Variants in KLF12 observed in about 807,000 individuals in gnomAD.
KLF12 encodes Krueppel-like factor 12.
Under a neutral mutation model 37.8 loss-of-function variants are expected in KLF12, and 9 were observed. That is an observed-to-expected ratio of 0.24 (90% CI 0.14 to 0.42). The LOEUF (loss-of-function observed/expected upper bound fraction) is 0.42, where lower values mean the gene tolerates loss of function less well. Ranked by LOEUF, KLF12 falls within the 10% of genes least tolerant of loss-of-function variation. The probability of loss-of-function intolerance (pLI) is 1.00; values close to 1 mark genes in which losing one functional copy is unlikely to be tolerated. For missense variants in KLF12, 411 were observed against 516.0 expected, an observed-to-expected ratio of 0.80 and a Z score of 1.97; for synonymous variants, 208 against 202.1, an observed-to-expected ratio of 1.03 and a Z score of -0.25.
chr13:73,938,323 C>T (rs1430581228), intron 3 of KLF12, among the ~76,000 whole-genome samples: 1 of 152,096 alleles, frequency 6.6e-6, no homozygotes, highest in Non-Finnish European at 1.5e-5. Context: ...CCCCCTAATG[C>T]TACTGAATTT....
intron 1 of KLF12, among the ~76,000 whole-genome samples, chr13:74,103,242 T>C (rs543229759): frequency 2.0e-5 from 3 of 152,252 alleles, no homozygotes; most frequent in African/African-American, 7.2e-5. Context: ...TGTAGGACAC[T>C]TTACAATTTC....
chr13:74,127,987 T>C (rs1466411767), intron 1 of KLF12, among the ~76,000 whole-genome samples: 1 of 152,234 alleles, frequency 6.6e-6, no homozygotes, highest in Non-Finnish European at 1.5e-5. Context: ...GACCAGTTGA[T>C]AGAAGCTTCA....
At chr13:74,086,950 G>A (rs79748342) in intron 1 of KLF12, among the ~76,000 whole-genome samples, 5,449 of 152,190 alleles carry the variant, frequency 0.036, 119 homozygotes, top group Middle Eastern at 0.061. Context: ...CATCCTTGTC[G>A]TCTTCAAGCT....
chr13:74,084,075 T>C (rs1484261705), intron 1 of KLF12, among the ~76,000 whole-genome samples: 1 of 152,202 alleles, frequency 6.6e-6, no homozygotes. Context: ...ATTTTAATGT[T>C]ACCGAACAAG....
At chr13:74,003,689 GTATT>G (rs1892338585) in intron 1 of KLF12, among the ~76,000 whole-genome samples, 1 of 152,212 alleles carries the variant, frequency 6.6e-6, no homozygotes, top group Admixed American at 6.5e-5. Context: ...ATATTGCACA[GTATT>G]TATTATTCAA....
chr13:74,035,471 T>C (rs1310221225), intron 1 of KLF12, among the ~76,000 whole-genome samples: 1 of 152,190 alleles, frequency 6.6e-6, no homozygotes, highest in African/African-American at 2.4e-5. Flanking sequence ...TCCAAATAGG[T>C]GCTCGATAAA....
At chr13:73,745,177 T>C (rs1878273697) in intron 6 of KLF12, among the ~76,000 whole-genome samples, 1 of 152,224 alleles carries the variant, frequency 6.6e-6, no homozygotes, top group African/African-American at 2.4e-5. Context: ...CAGGATGGGG[T>C]TCTGTTTTGC....
At position 73,694,547 on chromosome 13, in the gene KLF12, G is replaced by A. The variant is rs1266174747; in HGVS notation, c.*943C>T. On this transcript the variant is annotated 3_prime_UTR_variant, in exon 8 of 8. Transcript: ENST00000377669. ...CTTTGTCTGAGTTTTCATGTTCACT[G>A]ACTTTGCCTGGGCAGCCCCACCTCT... The A allele has an allele frequency of 6.6e-6, 1 of 152,654 alleles. No individual in the cohort carries two copies. Among genetic ancestry groups the A allele is most frequent in the African/African-American group, 2.4e-5 (1 of 41,450 alleles). 9.5% of individuals were successfully genotyped at this position (152,654 alleles called of 1,614,324 possible). A position where few individuals can be genotyped will look rare whatever the true frequency, so the allele number is the denominator to read the frequency against.
chr13:74,040,287 C>G (rs534400938), intron 1 of KLF12, among the ~76,000 whole-genome samples: 6 of 152,270 alleles, frequency 3.9e-5, no homozygotes, highest in Admixed American at 3.9e-4. Flanking sequence ...CAGTCACAGA[C>G]AGACAGGATT....
intron 6 of KLF12, among the ~76,000 whole-genome samples, chr13:73,718,214 TA>T (rs200685752): frequency 6.6e-6 from 1 of 151,664 alleles, no homozygotes; most frequent in Non-Finnish European, 1.5e-5. Flanking sequence ...AGGAGAAACG[TA>T]AAAAAAAGAA....
chr13:73,768,850 C>CGTCTGACCT, intron 5 of KLF12, among the ~76,000 whole-genome samples: 1 of 152,244 alleles, frequency 6.6e-6, no homozygotes, highest in East Asian at 1.9e-4. Context: ...AACACAGGTA[C>CGTCTGACCT]GTCTGACCTG....
chr13:74,199,884 C>T, the KLF12 span, among the ~76,000 whole-genome samples: 3 of 152,136 alleles, frequency 2.0e-5, no homozygotes, highest in East Asian at 1.9e-4. Flanking sequence ...CTTAGCAATC[C>T]CAAGCCCTCT....
chr13:74,010,211 A>G (rs188100802), intron 1 of KLF12, among the ~76,000 whole-genome samples: 2 of 152,222 alleles, frequency 1.3e-5, no homozygotes, highest in Non-Finnish European at 1.5e-5. Flanking sequence ...CCAAAGCACC[A>G]GGATTACAGG....
chr13:74,063,716 A>C (rs542703085), intron 1 of KLF12, among the ~76,000 whole-genome samples: 1 of 152,356 alleles, frequency 6.6e-6, no homozygotes, highest in Non-Finnish European at 1.5e-5. Flanking sequence ...TTTTTTTTAC[A>C]GTATAAGGTA....
chr13:73,923,768 T>C (rs1427644040), intron 3 of KLF12, among the ~76,000 whole-genome samples: 1 of 152,190 alleles, frequency 6.6e-6, no homozygotes, highest in Non-Finnish European at 1.5e-5. Flanking sequence ...TTCCCACAGA[T>C]CCTGATTTGG....
chr13:74,001,471 C>T (rs559329884), intron 1 of KLF12, among the ~76,000 whole-genome samples: 6 of 152,284 alleles, frequency 3.9e-5, no homozygotes, highest in African/African-American at 4.8e-5. Context: ...CAGCTAGGTA[C>T]AGGACATTAT....
chr13:73,943,488 C>G (rs1890282299), intron 3 of KLF12, among the ~76,000 whole-genome samples: 1 of 152,134 alleles, frequency 6.6e-6, no homozygotes, highest in Admixed American at 6.5e-5. Flanking sequence ...AGAAATTTTT[C>G]AAATTCAGTG....
chr13:74,172,368 C>T, the KLF12 span, among the ~76,000 whole-genome samples: 257 of 152,188 alleles, frequency 1.7e-3, 3 homozygotes, highest in Middle Eastern at 0.031. Context: ...ACAGAAAGAT[C>T]TTAAACACTA....
the KLF12 span, among the ~76,000 whole-genome samples, chr13:74,238,119 T>C: frequency 7.5e-6 from 1 of 134,184 alleles, no homozygotes; most frequent in South Asian, 2.2e-4. Flanking sequence ...GTCCCATCAA[T>C]ACCTAATTTA....
Sources: gnomAD v4.1 joint callset for allele counts (sites outside exome capture counted in the v4.1 genomes callset) on GRCh38, gnomAD v4.1.1 for gene constraint, MANE v1.5 for transcripts, NCBI Gene and HGNC (gene_info 2026-07-23, HGNC 2026-07-21) for gene names.